The following YTHDC2 variants were observed in gnomAD, a reference collection of about 807,000 sequenced individuals.
The protein encoded by YTHDC2 is YTH N6-methyladenosine RNA binding protein C2, also known as 3'-5' RNA helicase YTHDC2.
YTHDC2 carries 45 observed loss-of-function variants against 174.9 expected under a neutral mutation model. The ratio of observed to expected loss-of-function variants is 0.26; its 90% CI spans 0.20 to 0.33. YTHDC2 has a LOEUF of 0.33. Among genes scored for constraint, YTHDC2 ranks in the 10% least tolerant of loss-of-function variants. YTHDC2 has a pLI of 1.00. For synonymous variants in YTHDC2, 657 were observed against 574.5 expected (o/e 1.14, Z -2.05); for missense variants, 1,650 against 1,723.7 (o/e 0.96, Z 0.76).
chr5:113,578,422 G>T (rs1180255691), intron 23 of YTHDC2, among the ~76,000 whole-genome samples: 1 of 151,886 alleles, frequency 6.6e-6, no homozygotes, highest in Non-Finnish European at 1.5e-5. Context: ...AAAATTTGTT[G>T]AATTTACTAA....
intron 4 of YTHDC2, 43 bp from the exon 5 acceptor site, chr5:113,532,836 A>T (rs777390221): frequency 6.4e-6 from 10 of 1,551,444 alleles, no homozygotes; most frequent in African/African-American, 1.4e-5. Context: ...TTTTTGTATT[A>T]TGTGATCATG....
intron 17 of YTHDC2, chr5:113,556,408 G>A: frequency 4.4e-6 from 1 of 227,284 alleles, no homozygotes; most frequent in Non-Finnish European, 8.5e-6. Context: ...ATGCAATGTA[G>A]GACAAAGAGC....
Position 113,553,668 on chromosome 5 carries a change from T to C in YTHDC2, c.1946T>C (p.Phe649Ser). The change falls in exon 14 of 30, where the codon TTT becomes TCT. Residue 649 changes from phenylalanine (F) to serine (S), a missense_variant. Physicochemically the swap from Phe to Ser is radical, Grantham distance 155. Coordinates refer to ENST00000161863, the MANE Select transcript of YTHDC2 (RefSeq NM_022828.5). ...RDRILFDDKR[F>S]ADSTHRYQVF... Reference sequence around the variant, plus strand: ...CGCATCCTGTTTGATGACAAGCGGTTTGCTGACAGTACACATAGGTAAGGG... The same window carrying C: ...CGCATCCTGTTTGATGACAAGCGGTCTGCTGACAGTACACATAGGTAAGGG... 2 of 1,613,562 alleles carry C rather than the reference T, an allele frequency of 1.2e-6. No homozygotes were observed. The highest frequency in any genetic ancestry group is 1.7e-6 in the Non-Finnish European group (2 of 1,179,590).
intron 2 of YTHDC2, among the ~76,000 whole-genome samples, chr5:113,516,302 A>G (rs777208471): frequency 6.6e-6 from 1 of 152,190 alleles, no homozygotes; most frequent in Admixed American, 6.5e-5. Flanking sequence ...CAAGTCAAGG[A>G]TCTGATGATT....
At chr5:113,584,837 T>C (rs986988783) in intron 26 of YTHDC2, among the ~76,000 whole-genome samples, 1 of 143,180 alleles carries the variant, frequency 7.0e-6, no homozygotes, top group African/African-American at 2.7e-5. Flanking sequence ...AGTGCTGTGG[T>C]ACAATCATAT....
At chr5:113,541,744 T>C (rs984545875) in intron 9 of YTHDC2, among the ~76,000 whole-genome samples, 1 of 152,090 alleles carries the variant, frequency 6.6e-6, no homozygotes, top group African/African-American at 2.4e-5. Context: ...TAATAAAAAT[T>C]GTTATTTAAC....
At chr5:113,564,480 A>T (rs1172330930) in intron 20 of YTHDC2, among the ~76,000 whole-genome samples, 1 of 152,230 alleles carries the variant, frequency 6.6e-6, no homozygotes, top group African/African-American at 2.4e-5. Flanking sequence ...TAAAGTACAT[A>T]GAATAAAGCT....
chr5:113,564,722 T>G (rs528035167), intron 20 of YTHDC2, among the ~76,000 whole-genome samples: 1 of 152,274 alleles, frequency 6.6e-6, no homozygotes, highest in South Asian at 2.1e-4. Flanking sequence ...AATTTAGAAT[T>G]TCAGATATGT....
At chr5:113,542,544 T>C (rs1361965335) in intron 10 of YTHDC2, 41 bp downstream of exon 10, 2 of 1,550,884 alleles carry the variant, frequency 1.3e-6, no homozygotes, top group Non-Finnish European at 1.7e-6. Flanking sequence ...CTTACAGTTA[T>C]TTATGGTGGA....
chr5:113,553,217 T>C lies in YTHDC2; in HGVS notation c.1725T>C (p.Ser575=). The part of the protein sequence containing the change: ...TLEFGNLDES[S]LVQTNGSDLS... ...AATTTGGAAATCTAGATGAAAGTTC[T>C]CTGGTTCAAACAAATGGAAGTGACC... The change falls in exon 13 of 30, where the codon TCT becomes TCC. Residue 575 remains serine, a synonymous_variant. Transcript: ENST00000161863. 1.3e-6 allele frequency: 2 copies of C among 1,567,136 alleles called. No homozygotes were observed. Among genetic ancestry groups the C allele is most frequent in the Middle Eastern group, 1.7e-4 (1 of 5,916 alleles).
intron 7 of YTHDC2, among the ~76,000 whole-genome samples, chr5:113,537,319 TACTTA>T (rs1015088925): frequency 5.3e-5 from 8 of 152,022 alleles, no homozygotes; most frequent in African/African-American, 1.7e-4. Context: ...GCAAAAATCT[TACTTA>T]ACTTTTCTGT....
chr5:113,589,402 A>ATAT (rs1441251527), intron 26 of YTHDC2, among the ~76,000 whole-genome samples: 1 of 114,246 alleles, frequency 8.8e-6, no homozygotes, highest in African/African-American at 4.0e-5. Flanking sequence ...AATTAAAAAA[A>ATAT]AAAAAAATAT....
At position 113,594,474 on chromosome 5, in the gene YTHDC2, G is replaced by T. The variant is rs1779160690; in HGVS notation, c.*1000G>T. On this transcript the variant is annotated 3_prime_UTR_variant, in exon 30 of 30. Transcript: ENST00000161863. ...ATTTTTTTTCAGTATGTTTTCACTG[G>T]CTTATGTTTTCAGATATGATTTTCC... 2 of 151,932 alleles carry T rather than the reference G, an allele frequency of 1.3e-5. No individual in the cohort carries two copies. The highest frequency in any genetic ancestry group is 2.4e-5 in the African/African-American group (1 of 41,366). The allele number at this position is 151,932 out of a possible 1,614,324, so 9.4% of individuals were successfully genotyped here.
At chr5:113,584,272 C>A in intron 25 of YTHDC2, 30 bp from the exon 26 acceptor site, 1 of 1,585,022 alleles carries the variant, frequency 6.3e-7, no homozygotes, top group Non-Finnish European at 8.6e-7. Context: ...TTATATATAA[C>A]TGATCTTTGC....
chr5:113,581,827 C>T (rs1778420741), intron 25 of YTHDC2, 118 bp downstream of exon 25: 1 of 886,108 alleles, frequency 1.1e-6, no homozygotes, highest in Admixed American at 3.9e-5. Context: ...ATCTAAGATC[C>T]ATGAAAAGAT....
At chr5:113,585,523 C>T (rs1778632174) in intron 26 of YTHDC2, among the ~76,000 whole-genome samples, 1 of 151,936 alleles carries the variant, frequency 6.6e-6, no homozygotes, top group Non-Finnish European at 1.5e-5. Context: ...CCAGTTTAAA[C>T]TGTATAATTT....
intron 23 of YTHDC2, among the ~76,000 whole-genome samples, chr5:113,571,321 A>G (rs1378643036): frequency 3.3e-5 from 5 of 152,196 alleles, no homozygotes; most frequent in Admixed American, 2.6e-4. Flanking sequence ...CATCCCAGGG[A>G]TGAAGCCAAC....
Position 113,535,688 on chromosome 5 carries a change from A to T in YTHDC2, c.992A>T (p.Lys331Met). ...CGATTTAGTGATTTTTTACTTACAA[A>T]GTTAAGAGATTTGTTGCAAAAGCAC... ...RDRFSDFLLTKLRDLLQKHPT... is the reference protein window; with the variant it reads ...RDRFSDFLLTMLRDLLQKHPT... Residue 331 changes from lysine to methionine, a missense_variant, in exon 7 of 30, where the codon AAG (lysine) becomes ATG (methionine). Around this residue, in one of 5 missense-constraint regions of YTHDC2, gnomAD observed 411 missense variants for 380.6 expected, o/e 1.08. Coordinates refer to ENST00000161863, the MANE Select transcript of YTHDC2 (RefSeq NM_022828.5). The T allele has an allele frequency of 6.2e-7, 1 of 1,613,686 alleles. No homozygotes were observed. The highest frequency in any genetic ancestry group is 8.5e-7 in the Non-Finnish European group (1 of 1,179,850).
intron 9 of YTHDC2, 70 bp downstream of exon 9, chr5:113,541,186 C>T: frequency 2.7e-6 from 4 of 1,483,102 alleles, no homozygotes; most frequent in South Asian, 2.4e-5. Context: ...ATTTTATGAG[C>T]TTATAATTTT....
Sources: allele counts gnomAD v4.1 joint callset (sites outside exome capture counted in the v4.1 genomes callset), GRCh38; gene constraint gnomAD v4.1.1; regional missense constraint gnomAD v4.1.1; transcripts MANE v1.5; gene names NCBI Gene and HGNC (gene_info 2026-07-23, HGNC 2026-07-21).